ANKRD30BL: variants seen among roughly 807,000 people sequenced by gnomAD.
ANKRD30BL encodes the protein ankyrin repeat domain 30B like.
Under a neutral mutation model 18.4 loss-of-function variants are expected in ANKRD30BL, and 20 were observed. That is an observed-to-expected ratio of 1.09 (90% CI 0.77 to 1.58). The LOEUF is 1.58. Among genes scored for constraint, ANKRD30BL ranks in the 40% most tolerant of loss-of-function variants. ANKRD30BL has a pLI of 0.00. For synonymous variants in ANKRD30BL, 72 were observed against 100.9 expected, an observed-to-expected ratio of 0.71 and a Z score of 1.72; for missense variants, 224 against 268.6, an observed-to-expected ratio of 0.83 and a Z score of 1.16.
chr2:132,200,321 G>A (rs1679070037), intron 1 of ANKRD30BL, among the ~76,000 whole-genome samples: 1 of 151,796 alleles, frequency 6.6e-6, no homozygotes, highest in African/African-American at 2.4e-5. Context: ...AGGAAATAAA[G>A]GGTATTCAAT....
At chr2:132,228,163 T>C (rs907843393) in intron 1 of ANKRD30BL, among the ~76,000 whole-genome samples, 1 of 152,256 alleles carries the variant, frequency 6.6e-6, no homozygotes, top group East Asian at 1.9e-4. Context: ...GAGTTAAGCC[T>C]TTGTTTTGAT....
chr2:132,159,813 A>G (rs1226619939), intron 1 of ANKRD30BL, among the ~76,000 whole-genome samples: 1 of 152,218 alleles, frequency 6.6e-6, no homozygotes, highest in Non-Finnish European at 1.5e-5. Flanking sequence ...AGGTGTTGTC[A>G]ACATAAAAAT....
At chr2:132,205,258 C>T (rs1443253768) in intron 1 of ANKRD30BL, among the ~76,000 whole-genome samples, 1 of 151,964 alleles carries the variant, frequency 6.6e-6, no homozygotes, top group Admixed American at 6.6e-5. Context: ...AAGAAATACC[C>T]ATTAAGACTA....
intron 1 of ANKRD30BL, among the ~76,000 whole-genome samples, chr2:132,254,724 T>C (rs965557756): frequency 1.8e-4 from 27 of 152,350 alleles, no homozygotes; most frequent in Non-Finnish European, 3.5e-4. Context: ...AGACCTGTTA[T>C]TGCTCAATCT....
At chr2:132,198,814 C>G (rs1251020750) in intron 1 of ANKRD30BL, among the ~76,000 whole-genome samples, 1 of 151,948 alleles carries the variant, frequency 6.6e-6, no homozygotes, top group Non-Finnish European at 1.5e-5. Flanking sequence ...GACGACGTTT[C>G]GCCATGTTGG....
chr2:132,199,663 C>G (rs1679053452), intron 1 of ANKRD30BL, among the ~76,000 whole-genome samples: 1 of 152,030 alleles, frequency 6.6e-6, no homozygotes, highest in East Asian at 1.9e-4. Context: ...TCCACCACCA[C>G]AGACGGTTAA....
chr2:132,152,335 C>CATATATTT (rs1310144624), intron 4 of ANKRD30BL: 1 of 152,094 alleles, frequency 6.6e-6, no homozygotes, highest in African/African-American at 2.4e-5. Flanking sequence ...CTATATGTAC[C>CATATATTT]ACTGAAGCCA....
chr2:132,210,784 C>T (rs951843083), intron 1 of ANKRD30BL, among the ~76,000 whole-genome samples: 6 of 143,932 alleles, frequency 4.2e-5, no homozygotes, highest in Non-Finnish European at 9.2e-5. Context: ...CAAAGTTGAA[C>T]ATTTCTTTGG....
intron 1 of ANKRD30BL, among the ~76,000 whole-genome samples, chr2:132,193,036 G>T (rs964742746): frequency 2.3e-4 from 35 of 152,300 alleles, no homozygotes; most frequent in African/African-American, 6.7e-4. Context: ...GCAGGAGCAG[G>T]CACGGAGTGT....
At chr2:132,205,350 C>T (rs375333122) in intron 1 of ANKRD30BL, among the ~76,000 whole-genome samples, 5 of 150,164 alleles carry the variant, frequency 3.3e-5, no homozygotes, top group Non-Finnish European at 7.4e-5. Flanking sequence ...GTGGCTCATG[C>T]CTATAATCCC....
upstream of ANKRD30BL, among the ~76,000 whole-genome samples, chr2:132,165,609 G>C (rs907511089): frequency 6.6e-6 from 1 of 151,336 alleles, no homozygotes; most frequent in Non-Finnish European, 1.5e-5. Flanking sequence ...TGTAGTCCCA[G>C]CTACTCTGGA....
intron 1 of ANKRD30BL, among the ~76,000 whole-genome samples, chr2:132,245,419 C>T (rs1238751050): frequency 1.1e-4 from 2 of 17,860 alleles, no homozygotes; most frequent in African/African-American, 2.4e-4. Flanking sequence ...CGCTTTGAGG[C>T]CTATGGAGAA....
intron 1 of ANKRD30BL, among the ~76,000 whole-genome samples, chr2:132,251,340 G>T (rs2104808944): frequency 6.6e-6 from 1 of 152,234 alleles, no homozygotes; most frequent in Admixed American, 6.5e-5. Context: ...GTGTGTATGT[G>T]TGTCCATGTG....
intron 1 of ANKRD30BL, among the ~76,000 whole-genome samples, chr2:132,172,365 T>C (rs1688297430): frequency 6.6e-6 from 1 of 152,218 alleles, no homozygotes; most frequent in Admixed American, 6.5e-5. Flanking sequence ...CCATTGACTC[T>C]AAATCCTCAC....
Position 132,147,867 on chromosome 2 carries a change from G to A in ANKRD30BL, c.*264C>T. 5 of 427,962 alleles carry A rather than the reference G, an allele frequency of 1.2e-5. No individual in the cohort carries two copies. The highest frequency in any genetic ancestry group is 2.2e-5 in the Non-Finnish European group (5 of 228,538). 26.5% of individuals were successfully genotyped at this position (427,962 alleles called of 1,614,324 possible). The stretch of plus-strand genomic sequence containing the variant: ...GAGCAGGTGTCTAAGGATGACTAAG[G>A]ACAGAGCAGGTTACTAAGAATGACT... On this transcript the variant is annotated 3_prime_UTR_variant, in exon 6 of 6. Coordinates refer to ENST00000409867, the MANE Select transcript of ANKRD30BL (RefSeq NM_001358416.1).
At chr2:132,153,500 A>G in intron 4 of ANKRD30BL, 1 of 474,344 alleles carries the variant, frequency 2.1e-6, no homozygotes, top group Non-Finnish European at 4.3e-6. Context: ...CTGTCATTCA[A>G]AAACTACCTG....
chr2:132,210,317 T>G (rs1181539568), intron 1 of ANKRD30BL, among the ~76,000 whole-genome samples: 3 of 152,120 alleles, frequency 2.0e-5, no homozygotes, highest in Admixed American at 6.6e-5. Flanking sequence ...TTGTAGAATC[T>G]GCAAGTGGAT....
At chr2:132,211,800 C>T (rs555299687) in intron 1 of ANKRD30BL, among the ~76,000 whole-genome samples, 1 of 152,192 alleles carries the variant, frequency 6.6e-6, no homozygotes, top group Admixed American at 6.6e-5. Flanking sequence ...ATTCATCTCA[C>T]AGAGTTGAAC....
At chr2:132,208,071 C>T (rs929678817) in intron 1 of ANKRD30BL, among the ~76,000 whole-genome samples, 7 of 152,010 alleles carry the variant, frequency 4.6e-5, no homozygotes, top group Non-Finnish European at 8.8e-5. Flanking sequence ...GGAGCCTTGC[C>T]GCTGGCTCCA....
Sources: gnomAD v4.1 joint callset for allele counts (sites outside exome capture counted in the v4.1 genomes callset) on GRCh38, gnomAD v4.1.1 for gene constraint, MANE v1.5 for transcripts, NCBI Gene and HGNC (gene_info 2026-07-23, HGNC 2026-07-21) for gene names.